Variants in PDGFRA observed in about 807,000 individuals in gnomAD.
PDGFRA encodes platelet derived growth factor receptor alpha, also known as platelet-derived growth factor receptor alpha.
A neutral mutation model predicts 121.5 loss-of-function variants in PDGFRA; 25 were observed. The observed-to-expected ratio is 0.21, with a 90% CI of 0.15 to 0.29. The LOEUF (loss-of-function observed/expected upper bound fraction) is 0.29, where lower values mean the gene tolerates loss of function less well. Ranked by LOEUF, PDGFRA falls within the 10% of genes least tolerant of loss-of-function variation. The probability of loss-of-function intolerance (pLI) is 1.00; values close to 1 mark genes in which losing one functional copy is unlikely to be tolerated. For synonymous variants in PDGFRA, 463 were observed against 494.8 expected, an observed-to-expected ratio of 0.94 and a Z score of 0.85; for missense variants, 1,008 against 1,345.1, an observed-to-expected ratio of 0.75 and a Z score of 3.92.
chr4:54,295,894 C>T lies in PDGFRA; in HGVS notation c.*622C>T, dbSNP rs1293852745. ...TAATAGATTTGGGTCATTTAGAAGCCTGACAACTCATTTTCATATTGTAAT... is the reference window on the plus strand; with the variant it reads ...TAATAGATTTGGGTCATTTAGAAGCTTGACAACTCATTTTCATATTGTAAT... On this transcript the variant is annotated 3_prime_UTR_variant, in exon 23 of 23. Coordinates refer to ENST00000257290, the MANE Select transcript of PDGFRA (RefSeq NM_006206.6). The T allele has an allele frequency of 6.4e-5, 15 of 234,094 alleles. No homozygotes were observed. The allele number at this position is 234,094 out of a possible 1,614,324, so 14.5% of individuals were successfully genotyped here.
At chr4:54,294,163 C>A (rs1724766553) in intron 22 of PDGFRA, among the ~76,000 whole-genome samples, 1 of 151,702 alleles carries the variant, frequency 6.6e-6, no homozygotes, top group Non-Finnish European at 1.5e-5. Context: ...TTTGCTCAGG[C>A]CAGTTTTTAT....
At chr4:54,245,767 G>C (rs1213755796) in intron 1 of PDGFRA, among the ~76,000 whole-genome samples, 2 of 152,090 alleles carry the variant, frequency 1.3e-5, no homozygotes, top group Non-Finnish European at 2.9e-5. Flanking sequence ...ACACAGACTG[G>C]CAAATTGGAT....
chr4:54,282,490 A>C (rs987675195), intron 16 of PDGFRA, among the ~76,000 whole-genome samples: 3 of 152,240 alleles, frequency 2.0e-5, no homozygotes, highest in African/African-American at 7.2e-5. Context: ...CAGCACCAGA[A>C]GGATGGTGCT....
intron 1 of PDGFRA, among the ~76,000 whole-genome samples, chr4:54,251,118 A>C (rs1432320799): frequency 6.6e-6 from 1 of 152,096 alleles, no homozygotes; most frequent in Non-Finnish European, 1.5e-5. Context: ...TTGAAACAGA[A>C]AAGAAAACAC....
Position 54,295,636 on chromosome 4 carries a change from A to C in PDGFRA, c.*364A>C. The C allele has an allele frequency of 2.6e-6, 1 of 379,138 alleles. No homozygotes were observed. Among genetic ancestry groups the C allele is most frequent in the Non-Finnish European group, 4.9e-6 (1 of 203,918 alleles). 23.5% of individuals were successfully genotyped at this position (379,138 alleles called of 1,614,324 possible). A position where few individuals can be genotyped will look rare whatever the true frequency, so the allele number is the denominator to read the frequency against. On this transcript the variant is annotated 3_prime_UTR_variant, in exon 23 of 23. Transcript: ENST00000257290. ...CTTCAGCATTGTAATTATGTAAATA[A>C]CTCTAACCAAGGCTGTGTTTAGATT...
intron 18 of PDGFRA, among the ~76,000 whole-genome samples, chr4:54,287,082 C>T (rs1247258729): frequency 6.6e-6 from 1 of 152,148 alleles, no homozygotes; most frequent in Non-Finnish European, 1.5e-5. Context: ...ATCATTGGAT[C>T]TGTTCTTAGT....
At chr4:54,264,221 A>G (rs1262087076) in intron 4 of PDGFRA, 4 of 500,030 alleles carry the variant, frequency 8.0e-6, no homozygotes, top group African/African-American at 7.7e-5. Context: ...ATTCCTGACT[A>G]TGGCGGCCCT....
intron 12 of PDGFRA, 57 bp downstream of exon 12, chr4:54,275,030 A>G: frequency 1.9e-6 from 3 of 1,585,914 alleles, no homozygotes; most frequent in Non-Finnish European, 2.6e-6. Flanking sequence ...ACAACTTTAC[A>G]ATTTATAGGC....
intron 1 of PDGFRA, among the ~76,000 whole-genome samples, chr4:54,248,250 A>G (rs951255482): frequency 2.6e-5 from 4 of 152,256 alleles, no homozygotes; most frequent in African/African-American, 4.8e-5. Context: ...AAGAGCCCGC[A>G]TCGCCAAGTC....
At chr4:54,279,794 C>T (rs1195255937) in intron 15 of PDGFRA, among the ~76,000 whole-genome samples, 4 of 152,010 alleles carry the variant, frequency 2.6e-5, no homozygotes, top group South Asian at 2.1e-4. Flanking sequence ...TGAGTGAGAA[C>T]GTACGATGTT....
At chr4:54,244,181 A>T (rs1446474131) in intron 1 of PDGFRA, among the ~76,000 whole-genome samples, 1 of 152,226 alleles carries the variant, frequency 6.6e-6, no homozygotes, top group Non-Finnish European at 1.5e-5. Context: ...TGCAGACTTA[A>T]ATGTCCCTGT....
At chr4:54,230,168 G>A (rs1246250680) in intron 1 of PDGFRA, among the ~76,000 whole-genome samples, 1 of 152,068 alleles carries the variant, frequency 6.6e-6, no homozygotes, top group Non-Finnish European at 1.5e-5. Flanking sequence ...GCGCGCGGGC[G>A]TGGGCAAGGG....
At chr4:54,265,609 A>G (rs1368212946) in intron 5 of PDGFRA, among the ~76,000 whole-genome samples, 6 of 152,186 alleles carry the variant, frequency 3.9e-5, no homozygotes, top group African/African-American at 1.2e-4. Context: ...AAGTTTGCTC[A>G]ATCCCAAGCA....
intron 8 of PDGFRA, among the ~76,000 whole-genome samples, chr4:54,271,339 A>G (rs1369986413): frequency 6.6e-6 from 1 of 152,236 alleles, no homozygotes; most frequent in African/African-American, 2.4e-5. Context: ...AACCTGTGAT[A>G]CAAGCAACAC....
At chr4:54,273,795 A>T (rs2110293925) in intron 10 of PDGFRA, 65 bp downstream of exon 10, 2 of 1,342,944 alleles carry the variant, frequency 1.5e-6, no homozygotes, top group Middle Eastern at 2.5e-4. Flanking sequence ...CGGAACTTTG[A>T]ATCCCAGATA....
At chr4:54,263,629 A>G in intron 3 of PDGFRA, 38 bp from the exon 4 acceptor site, 1 of 1,600,106 alleles carries the variant, frequency 6.2e-7, no homozygotes, top group Non-Finnish European at 8.6e-7. Flanking sequence ...AGGTGAAATT[A>G]ATGTCTAATA....
In PDGFRA at chr4:54,264,951, C is replaced by T. The variant is rs139913632; in HGVS notation, c.661C>T (p.Leu221Phe). 7,158 of 1,613,168 alleles carry T rather than the reference C, an allele frequency of 4.4e-3. 19 individuals carry two copies. Among genetic ancestry groups the T allele is most frequent in the Non-Finnish European group, 5.4e-3 (6,350 of 1,179,458 alleles). ...TSELDLEMEA[L>F]KTVYKSGETI... is the part of the protein sequence containing the mutation. Reference sequence around the variant, plus strand: ...AGAGCTGGATCTAGAAATGGAAGCTCTTAAAACCGTGTATAAGTCAGGGGA... The same window carrying T: ...AGAGCTGGATCTAGAAATGGAAGCTTTTAAAACCGTGTATAAGTCAGGGGA... The change falls in exon 5 of 23, where the codon CTT becomes TTT. Residue 221 changes from leucine to phenylalanine, a missense_variant. Transcript: ENST00000257290.
intron 1 of PDGFRA, among the ~76,000 whole-genome samples, chr4:54,258,521 C>T (rs1722496791): frequency 6.6e-6 from 1 of 152,134 alleles, no homozygotes; most frequent in Non-Finnish European, 1.5e-5. Context: ...CCATTGAAAA[C>T]TGCATGCAAT....
intron 1 of PDGFRA, among the ~76,000 whole-genome samples, chr4:54,256,479 C>T (rs1037882989): frequency 2.4e-4 from 36 of 151,876 alleles, no homozygotes; most frequent in African/African-American, 8.2e-4. Flanking sequence ...CTCAGGTGAT[C>T]CACCTGCCTT....
Sources: gnomAD v4.1 joint callset for allele counts (sites outside exome capture counted in the v4.1 genomes callset) on GRCh38, gnomAD v4.1.1 for gene constraint, MANE v1.5 for transcripts, NCBI Gene and HGNC (gene_info 2026-07-23, HGNC 2026-07-21) for gene names.